TRHDE: variants seen among roughly 807,000 people sequenced by gnomAD.
The protein encoded by TRHDE is thyrotropin releasing hormone degrading enzyme, also known as thyrotropin-releasing hormone-degrading ectoenzyme.
TRHDE carries 72 observed loss-of-function variants against 125.7 expected under a neutral mutation model. The observed-to-expected ratio is 0.57, with a 90% CI of 0.47 to 0.70. The LOEUF (loss-of-function observed/expected upper bound fraction) is 0.70, where lower values mean the gene tolerates loss of function less well. Among genes scored for constraint, TRHDE ranks in the 30% least tolerant of loss-of-function variants. The pLI is 0.00. For missense variants in TRHDE, 1,110 were observed against 1,327.1 expected, an observed-to-expected ratio of 0.84 and a Z score of 2.54; for synonymous variants, 509 against 509.1, an observed-to-expected ratio of 1.00 and a Z score of 0.00.
At chr12:72,411,462 A>C (rs1398072688) in intron 3 of TRHDE, among the ~76,000 whole-genome samples, 2 of 152,060 alleles carry the variant, frequency 1.3e-5, no homozygotes, top group Non-Finnish European at 2.9e-5. Flanking sequence ...TCTGTGGAAA[A>C]AATATAAAAA....
chr12:72,200,751 G>A (rs891612343), intron 2 of TRHDE, among the ~76,000 whole-genome samples: 10 of 152,100 alleles, frequency 6.6e-5, no homozygotes, highest in African/African-American at 1.4e-4. Context: ...GATTAACTTC[G>A]CCATTTGTAC....
At chr12:72,470,562 C>G (rs1301511838) in intron 4 of TRHDE, among the ~76,000 whole-genome samples, 1 of 152,102 alleles carries the variant, frequency 6.6e-6, no homozygotes, top group Non-Finnish European at 1.5e-5. Flanking sequence ...TTATGTGAAT[C>G]TTAATTTTAG....
intron 12 of TRHDE, among the ~76,000 whole-genome samples, chr12:72,600,673 A>T (rs1872172549): frequency 6.6e-6 from 1 of 152,026 alleles, no homozygotes; most frequent in Non-Finnish European, 1.5e-5. Flanking sequence ...GCTAATGCTC[A>T]TTTACCATTT....
intron 3 of TRHDE, among the ~76,000 whole-genome samples, chr12:72,386,380 A>C (rs1363634314): frequency 6.6e-6 from 1 of 152,112 alleles, no homozygotes. Context: ...TGTTTCCCCT[A>C]TTACTATGGG....
At chr12:72,349,369 A>T (rs1314368336) in intron 2 of TRHDE, among the ~76,000 whole-genome samples, 1 of 152,070 alleles carries the variant, frequency 6.6e-6, no homozygotes, top group Non-Finnish European at 1.5e-5. Flanking sequence ...ATTACATGGC[A>T]ATCTTGAAAG....
intron 3 of TRHDE, among the ~76,000 whole-genome samples, chr12:72,446,016 G>T (rs1189899583): frequency 6.6e-6 from 1 of 151,614 alleles, no homozygotes; most frequent in Non-Finnish European, 1.5e-5. Flanking sequence ...ATTTCTCCTT[G>T]TCCCAGTAGA....
chr12:72,514,068 T>G lies in TRHDE; in HGVS notation c.1722+14433T>G, dbSNP rs73346586. ...GTACACTGTGAACCTCAGGCCAGGATTTAATTTAAAATGGCTGGTCCTGGA... is the reference window on the plus strand; with the variant it reads ...GTACACTGTGAACCTCAGGCCAGGAGTTAATTTAAAATGGCTGGTCCTGGA... On this transcript the variant is annotated intron_variant, in intron 6 of 18. Coordinates refer to ENST00000261180, the MANE Select transcript of TRHDE (RefSeq NM_013381.3). Among the ~76,000 whole-genome samples the G allele has an allele frequency of 2.9e-3, 436 of 152,224 alleles. 2 individuals are homozygous for G. The highest frequency in any genetic ancestry group is 0.01 in the African/African-American group (423 of 41,548).
intron 3 of TRHDE, among the ~76,000 whole-genome samples, chr12:72,382,281 G>A (rs1004136006): frequency 6.6e-6 from 1 of 151,884 alleles, no homozygotes; most frequent in Non-Finnish European, 1.5e-5. Context: ...GACAAAAGCA[G>A]TTCTAGAATA....
In TRHDE at chr12:72,273,540, G is replaced by A; in HGVS notation, c.897G>A (p.Val299=). The A allele has an allele frequency of 6.3e-7, 1 of 1,599,676 alleles. No homozygotes were observed. The highest frequency in any genetic ancestry group is 8.5e-7 in the Non-Finnish European group (1 of 1,177,564). Residue 299 remains valine (V), a synonymous_variant, in exon 1 of 19, where the codon GTG becomes GTA. Coordinates refer to ENST00000261180, the MANE Select transcript of TRHDE (RefSeq NM_013381.3). The surrounding 1 kb of genome is among the most constrained non-coding windows in gnomAD (Gnocchi z 5.3). ...ELLGFFRSSY[V]LHGERRFLGV... ...TGGGCTTCTTCCGCAGCTCCTATGT[G>A]CTCCACGGGGAGAGAAGGTATGGAG...
chr12:72,370,901 C>T lies in TRHDE; in HGVS notation c.1189-7094C>T, dbSNP rs189035790. On this transcript the variant is annotated intron_variant, in intron 2 of 18. Transcript: ENST00000261180. Reference sequence around the variant, plus strand: ...GGGATTACAGGCATGCACCACCATGCTCAGCTAATTTTTATATTTTTGTTA... The same window carrying T: ...GGGATTACAGGCATGCACCACCATGTTCAGCTAATTTTTATATTTTTGTTA... 4.6e-5 allele frequency among the ~76,000 whole-genome samples: 7 copies of T among 152,060 alleles called. No individual in the cohort carries two copies. In the South Asian group the frequency reaches 1.5e-3, roughly 32 times the overall value.
chr12:72,109,597 G>C (rs557144500), intron 2 of TRHDE, among the ~76,000 whole-genome samples: 1 of 151,210 alleles, frequency 6.6e-6, no homozygotes, highest in Admixed American at 6.6e-5. Context: ...GGCTGTCAAA[G>C]CTTTAAGTTA....
intron 7 of TRHDE, among the ~76,000 whole-genome samples, chr12:72,560,923 A>C (rs960340270): frequency 6.6e-6 from 1 of 152,256 alleles, no homozygotes; most frequent in African/African-American, 2.4e-5. Context: ...ATAAAGAATA[A>C]TTTTGAAAGT....
rs1335882071 is a variant in TRHDE at position 72,251,317 on chromosome 12, A to G, written n.280-126678A>G. On this transcript the variant is annotated intron_variant and non_coding_transcript_variant, in intron 2 of 4. Coordinates refer to the TRHDE transcript ENST00000548156. Reference sequence around the variant, plus strand: ...TCCGGCCCTCTCACCCTTACTGTATATACCCCCTGGAAACCACTAATCATT... The same window carrying G: ...TCCGGCCCTCTCACCCTTACTGTATGTACCCCCTGGAAACCACTAATCATT... 3.3e-5 allele frequency among the ~76,000 whole-genome samples: 5 copies of G among 151,812 alleles called. No homozygotes were observed. The South Asian group carries it at 1.0e-3, about 32-fold the overall frequency.
intron 2 of TRHDE, among the ~76,000 whole-genome samples, chr12:72,179,253 A>C (rs1293811072): frequency 1.3e-5 from 2 of 152,090 alleles, no homozygotes; most frequent in African/African-American, 2.4e-5. Context: ...TGCAAATAAC[A>C]GTATTTTGAA....
At chr12:72,321,470 A>G (rs911330118) in intron 2 of TRHDE, among the ~76,000 whole-genome samples, 3 of 152,172 alleles carry the variant, frequency 2.0e-5, no homozygotes, top group African/African-American at 2.4e-5. Context: ...ATGATATTTG[A>G]CCTTTGGGAT....
chr12:72,491,481 T>C (rs1280149905), intron 5 of TRHDE, among the ~76,000 whole-genome samples: 1 of 151,968 alleles, frequency 6.6e-6, no homozygotes, highest in Admixed American at 6.6e-5. Context: ...ATAATTTGGT[T>C]GTATATCATT....
At chr12:72,482,292 G>C (rs896606523) in intron 5 of TRHDE, among the ~76,000 whole-genome samples, 8 of 151,680 alleles carry the variant, frequency 5.3e-5, no homozygotes, top group African/African-American at 1.9e-4. Flanking sequence ...ATATACTTCT[G>C]TCAGAAGTAG....
chr12:72,509,433 A>C (rs920585707), intron 6 of TRHDE, among the ~76,000 whole-genome samples: 1 of 151,936 alleles, frequency 6.6e-6, no homozygotes, highest in Non-Finnish European at 1.5e-5. Context: ...CCCTAAACTC[A>C]TGGTGCTACT....
intron 2 of TRHDE, among the ~76,000 whole-genome samples, chr12:72,203,236 C>T (rs1355616495): frequency 6.6e-6 from 1 of 151,936 alleles, no homozygotes; most frequent in Non-Finnish European, 1.5e-5. Flanking sequence ...CCAAGGCAGG[C>T]GGATCACGAG....
Sources: allele counts gnomAD v4.1 joint callset (sites outside exome capture counted in the v4.1 genomes callset), GRCh38; gene constraint gnomAD v4.1.1; non-coding constraint Gnocchi (gnomAD v3.1); transcripts MANE v1.5; gene names NCBI Gene and HGNC (gene_info 2026-07-23, HGNC 2026-07-21).